PPTC7: variants seen among roughly 807,000 people sequenced by gnomAD.
The protein encoded by PPTC7 is protein phosphatase targeting COQ7.
In PPTC7, 6 loss-of-function variants were observed where a neutral mutation model predicts 30.8. That is an observed-to-expected ratio of 0.19 (90% confidence interval 0.11 to 0.38). The LOEUF (loss-of-function observed/expected upper bound fraction) is 0.38, where lower values mean the gene tolerates loss of function less well. Among genes scored for constraint, PPTC7 ranks in the 10% least tolerant of loss-of-function variants. The pLI is 1.00. For missense variants in PPTC7, 218 were observed against 404.8 expected (o/e 0.54, Z 3.96); for synonymous variants, 163 against 168.1 (o/e 0.97, Z 0.23).
In PPTC7 at chr12:110,550,271, C is replaced by T. The variant is rs551292321; in HGVS notation, c.403+1518G>A. 1.2e-4 allele frequency among the ~76,000 whole-genome samples: 17 copies of T among 139,848 alleles called. No individual in the cohort carries two copies. The South Asian group carries it at 3.9e-3, about 32-fold the overall frequency. The allele number at this position is 139,848 out of a possible 152,430, so 91.7% of individuals were successfully genotyped here. On this transcript the variant is annotated intron_variant, in intron 2 of 5. Transcript: ENST00000354300. ...TTGGAGATGGAGTCTTGCTCTGTCG[C>T]CCACGCTGGAGTGCAGTGGCGCGAT... is the stretch of plus-strand genomic sequence containing the variant.
chr12:110,553,975 C>T (rs1198869446), intron 1 of PPTC7, among the ~76,000 whole-genome samples: 1 of 152,090 alleles, frequency 6.6e-6, no homozygotes, highest in Non-Finnish European at 1.5e-5. Flanking sequence ...GATTCTCCTG[C>T]TTCAGCCTCC....
chr12:110,535,419 C>T lies in PPTC7; in HGVS notation c.*1618G>A, dbSNP rs1399595903. On this transcript the variant is annotated 3_prime_UTR_variant, in exon 6 of 6. Coordinates refer to ENST00000354300, the MANE Select transcript of PPTC7 (RefSeq NM_139283.2). The stretch of plus-strand genomic sequence containing the variant: ...ATGATGCATTGAAATATAGTAATGA[C>T]ATGTACATGGTACATGTTAAACAAT... The T allele has an allele frequency of 6.6e-6, 1 of 152,566 alleles. No homozygotes were observed. Among genetic ancestry groups the T allele is most frequent in the Non-Finnish European group, 1.5e-5 (1 of 68,030 alleles). 9.5% of individuals were successfully genotyped at this position (152,566 alleles called of 1,614,324 possible).
At chr12:110,538,370 GAA>G in intron 4 of PPTC7, 97 bp from the exon 5 acceptor site, 19 of 1,203,330 alleles carry the variant, frequency 1.6e-5, no homozygotes, top group Non-Finnish European at 2.3e-5. Context: ...ATTCTAGTTA[GAA>G]AAGACATTAA....
At chr12:110,569,328 G>A (rs185005748) in intron 1 of PPTC7, among the ~76,000 whole-genome samples, 5 of 152,004 alleles carry the variant, frequency 3.3e-5, no homozygotes, top group African/African-American at 9.7e-5. Context: ...GTGAGACTCT[G>A]TCTCAAAAAA....
intron 1 of PPTC7, among the ~76,000 whole-genome samples, chr12:110,559,493 AGGTG>A (rs1284786226): frequency 2.7e-4 from 40 of 150,870 alleles, no homozygotes; most frequent in Non-Finnish European, 4.3e-4. Flanking sequence ...TGGGAGGCCG[AGGTG>A]GGCAGATCAC....
At chr12:110,554,220 T>A (rs974604564) in intron 1 of PPTC7, among the ~76,000 whole-genome samples, 32 of 152,180 alleles carry the variant, frequency 2.1e-4, no homozygotes, top group South Asian at 4.1e-4. Flanking sequence ...GTTGTCCAGG[T>A]TGGAGTGTAG....
chr12:110,546,891 C>T (rs1490033092), intron 2 of PPTC7: 14 of 152,140 alleles, frequency 9.2e-5, no homozygotes, highest in African/African-American at 3.4e-4. Flanking sequence ...AAATGACCAC[C>T]TCACTAGTAA....
intron 5 of PPTC7, 95 bp downstream of exon 5, chr12:110,538,049 G>T: frequency 7.4e-7 from 1 of 1,345,784 alleles, no homozygotes; most frequent in South Asian, 1.4e-5. Context: ...GCTGGGAGAG[G>T]ACACCTCCAC....
intron 5 of PPTC7, among the ~76,000 whole-genome samples, chr12:110,537,691 A>C (rs1407921451): frequency 6.6e-6 from 1 of 152,232 alleles, no homozygotes; most frequent in Non-Finnish European, 1.5e-5. Context: ...TCTTCAGTCA[A>C]GGGCAGTTTC....
chr12:110,571,231 T>TA (rs1157244801), intron 1 of PPTC7, among the ~76,000 whole-genome samples: 7 of 152,112 alleles, frequency 4.6e-5, no homozygotes, highest in Admixed American at 4.6e-4. Flanking sequence ...GAGGGGGAGT[T>TA]AAAGTATCTA....
At chr12:110,581,235 GA>G (rs1384631663) in intron 1 of PPTC7, among the ~76,000 whole-genome samples, 1 of 152,126 alleles carries the variant, frequency 6.6e-6, no homozygotes, top group African/African-American at 2.4e-5. Flanking sequence ...CCAACACAGT[GA>G]AACCCCATCT....
At chr12:110,560,166 G>A (rs1420483448) in intron 1 of PPTC7, among the ~76,000 whole-genome samples, 1 of 152,144 alleles carries the variant, frequency 6.6e-6, no homozygotes, top group African/African-American at 2.4e-5. Flanking sequence ...TTGGGAGGCT[G>A]AGGTAGGAGG....
At chr12:110,550,900 C>G (rs1298460589) in intron 2 of PPTC7, among the ~76,000 whole-genome samples, 1 of 152,208 alleles carries the variant, frequency 6.6e-6, no homozygotes, top group African/African-American at 2.4e-5. Flanking sequence ...CATTTCTTTT[C>G]TTTCCTCTTG....
chr12:110,569,315 AGAGT>A (rs1194190976), intron 1 of PPTC7, among the ~76,000 whole-genome samples: 22 of 152,316 alleles, frequency 1.4e-4, no homozygotes, highest in African/African-American at 5.3e-4. Flanking sequence ...CCTGGGCGAC[AGAGT>A]GAGACTCTGT....
intron 1 of PPTC7, among the ~76,000 whole-genome samples, chr12:110,577,925 A>ACC (rs1565929354): frequency 6.6e-6 from 1 of 152,110 alleles, no homozygotes; most frequent in Non-Finnish European, 1.5e-5. Flanking sequence ...ACACACACAC[A>ACC]CCCAGGAAAA....
chr12:110,533,880 G>C lies in PPTC7; in HGVS notation c.*3157C>G, dbSNP rs2064194958. On this transcript the variant is annotated 3_prime_UTR_variant, in exon 6 of 6. Transcript: ENST00000354300. ...CATCTCCGGGCTACTGTCCTATCCA[G>C]AACACACGCAGCTGATAGAGGAGAG... 6.6e-6 allele frequency: 1 copy of C among 152,112 alleles called. No individual in the cohort carries two copies. Among genetic ancestry groups the C allele is most frequent in the African/African-American group, 2.4e-5 (1 of 41,390 alleles). The allele number at this position is 152,112 out of a possible 1,614,324, so 9.4% of individuals were successfully genotyped here. A position where few individuals can be genotyped will look rare whatever the true frequency, so the allele number is the denominator to read the frequency against.
chr12:110,579,948 G>C (rs960135199), intron 1 of PPTC7, among the ~76,000 whole-genome samples: 1 of 152,000 alleles, frequency 6.6e-6, no homozygotes, highest in Non-Finnish European at 1.5e-5. Context: ...GGGAGGCGGA[G>C]GTTGCAGTGA....
At chr12:110,568,001 A>C (rs923940421) in intron 1 of PPTC7, among the ~76,000 whole-genome samples, 4 of 150,038 alleles carry the variant, frequency 2.7e-5, no homozygotes, top group African/African-American at 4.9e-5. Flanking sequence ...CCCCCAAAAA[A>C]CAAACCAAAC....
chr12:110,562,216 C>T (rs1472231825), intron 1 of PPTC7, among the ~76,000 whole-genome samples: 4 of 122,854 alleles, frequency 3.3e-5, no homozygotes, highest in South Asian at 2.9e-4. Context: ...ACCCAGGAGG[C>T]GGAGGTTGCA....
Sources: gnomAD v4.1 joint callset for allele counts (sites outside exome capture counted in the v4.1 genomes callset) on GRCh38, gnomAD v4.1.1 for gene constraint, MANE v1.5 for transcripts, NCBI Gene and HGNC (gene_info 2026-07-23, HGNC 2026-07-21) for gene names.